CADPS2: variants seen among roughly 807,000 people sequenced by gnomAD.
CADPS2 encodes calcium-dependent secretion activator 2.
CADPS2 carries 93 observed loss-of-function variants against 172.5 expected under a neutral mutation model. The observed-to-expected ratio is 0.54, with a 90% CI of 0.46 to 0.64. The LOEUF is 0.64. Ranked by LOEUF, CADPS2 falls within the 30% of genes least tolerant of loss-of-function variation. The pLI, the probability that CADPS2 is intolerant of heterozygous loss-of-function variation, is 0.00. For synonymous variants in CADPS2, 546 were observed against 555.2 expected (o/e 0.98, Z 0.23); for missense variants, 1,420 against 1,565.9 (o/e 0.91, Z 1.57).
intron 1 of CADPS2, among the ~76,000 whole-genome samples, chr7:122,881,125 A>C (rs1016464739): frequency 3.9e-5 from 6 of 152,210 alleles, no homozygotes; most frequent in African/African-American, 1.4e-4. Context: ...TTTTGTTTTG[A>C]AAGTCTTTAA....
At chr7:122,644,580 T>A (rs2078093436) in intron 3 of CADPS2, among the ~76,000 whole-genome samples, 1 of 152,208 alleles carries the variant, frequency 6.6e-6, no homozygotes, top group Non-Finnish European at 1.5e-5. Flanking sequence ...AACAGAGTAA[T>A]TCCACCTGTA....
intron 1 of CADPS2, among the ~76,000 whole-genome samples, chr7:122,737,981 GAGAAGACAA>G (rs2092270047): frequency 2.0e-5 from 3 of 152,090 alleles, no homozygotes; most frequent in African/African-American, 7.2e-5. Context: ...GAATAATAAG[GAGAAGACAA>G]AGAAGACAAA....
intron 17 of CADPS2, among the ~76,000 whole-genome samples, chr7:122,417,918 T>C (rs1052420173): frequency 5.9e-5 from 9 of 152,120 alleles, no homozygotes; most frequent in Non-Finnish European, 8.8e-5. Context: ...ATAACAACCA[T>C]TAGAAATGGT....
intron 22 of CADPS2, among the ~76,000 whole-genome samples, chr7:122,392,461 A>T (rs1242413758): frequency 6.6e-6 from 1 of 151,960 alleles, no homozygotes. Flanking sequence ...TTGAGGAAAA[A>T]ACTCAGGCTA....
At chr7:122,365,132 G>A (rs1000085956) in intron 25 of CADPS2, among the ~76,000 whole-genome samples, 9 of 152,200 alleles carry the variant, frequency 5.9e-5, no homozygotes, top group African/African-American at 1.7e-4. Flanking sequence ...TTCAGAGCAC[G>A]AAGCAGCATT....
At chr7:122,884,153 A>G (rs1823671496) in intron 1 of CADPS2, among the ~76,000 whole-genome samples, 1 of 152,212 alleles carries the variant, frequency 6.6e-6, no homozygotes, top group Non-Finnish European at 1.5e-5. Flanking sequence ...ATTTTACCAA[A>G]CATTATTTTT....
At chr7:122,651,080 T>A (rs1463184392) in intron 3 of CADPS2, among the ~76,000 whole-genome samples, 1 of 152,042 alleles carries the variant, frequency 6.6e-6, no homozygotes, top group East Asian at 1.9e-4. Context: ...ATGAGAAAAA[T>A]ATACTCCTCC....
In CADPS2 at chr7:122,756,903, G is replaced by GA. The variant is rs373643348; in HGVS notation, c.340-19836dup. On this transcript the variant is annotated intron_variant, in intron 1 of 29. Coordinates refer to ENST00000449022, the MANE Select transcript of CADPS2 (RefSeq NM_017954.11). ...GAACAGAGCAAGACTCCCTCTCAAG[G>GA]AAAAAAAAAAAAAAATTACATCCTC... Among the ~76,000 whole-genome samples, 1,059 of 134,362 alleles carry GA rather than the reference G, an allele frequency of 7.9e-3. 4 individuals carry two copies. The highest frequency in any genetic ancestry group is 0.013 in the African/African-American group (467 of 36,510). The allele number at this position is 134,362 out of a possible 152,430, so 88.1% of individuals were successfully genotyped here. A position where few individuals can be genotyped will look rare whatever the true frequency, so the allele number is the denominator to read the frequency against.
intron 25 of CADPS2, among the ~76,000 whole-genome samples, chr7:122,366,440 T>TAA (rs539508007): frequency 0.047 from 6,358 of 135,820 alleles, 459 homozygotes; most frequent in African/African-American, 0.16. Context: ...CCATCTCTAC[T>TAA]AAAAAAAAAA....
chr7:122,848,406 T>TA (rs1489536259), intron 1 of CADPS2, among the ~76,000 whole-genome samples: 1 of 152,138 alleles, frequency 6.6e-6, no homozygotes, highest in African/African-American at 2.4e-5. Context: ...CACAGCCTCC[T>TA]AGGGAAGAGC....
chr7:122,672,973 C>T (rs937250042), intron 2 of CADPS2, among the ~76,000 whole-genome samples: 5 of 152,158 alleles, frequency 3.3e-5, no homozygotes, highest in African/African-American at 1.2e-4. Context: ...GAGTTTCTTC[C>T]TTCTGGTGGG....
chr7:122,866,277 G>A (rs965558450), intron 1 of CADPS2, among the ~76,000 whole-genome samples: 1 of 151,932 alleles, frequency 6.6e-6, no homozygotes, highest in African/African-American at 2.4e-5. Flanking sequence ...TACCTCTCAG[G>A]CTACCACCTA....
Position 122,615,237 on chromosome 7 carries a change from T to C in CADPS2, c.1167A>G (p.Thr389=), listed in dbSNP as rs1207558106. The C allele has an allele frequency of 6.4e-7, 1 of 1,561,416 alleles. No individual in the cohort carries two copies. The highest frequency in any genetic ancestry group is 1.2e-5 in the South Asian group (1 of 84,750). The change falls in exon 6 of 30, where the codon ACA becomes ACG. Residue 389 remains threonine, a synonymous_variant. Coordinates refer to ENST00000449022, the MANE Select transcript of CADPS2 (RefSeq NM_017954.11). ...SVAPNRIVYC[T]MEVEGEKLQT... ...GAAGTTTTTCTCCTTCCACTTCCATTGTACAGTAAACAATTCGATTGGGAG... is the reference window on the plus strand; with the variant it reads ...GAAGTTTTTCTCCTTCCACTTCCATCGTACAGTAAACAATTCGATTGGGAG...
At chr7:122,553,061 T>C (rs1217953589) in intron 8 of CADPS2, among the ~76,000 whole-genome samples, 8 of 152,236 alleles carry the variant, frequency 5.3e-5, no homozygotes, top group Admixed American at 1.3e-4. Context: ...GTCTACCTGA[T>C]AAATTTATCC....
intron 2 of CADPS2, among the ~76,000 whole-genome samples, chr7:122,673,050 T>C (rs1222520879): frequency 6.6e-6 from 1 of 152,172 alleles, no homozygotes; most frequent in Non-Finnish European, 1.5e-5. Flanking sequence ...CTACAAGGCA[T>C]CGCCTCTGGA....
At chr7:122,737,780 T>A (rs956284077) in intron 1 of CADPS2, among the ~76,000 whole-genome samples, 1 of 152,124 alleles carries the variant, frequency 6.6e-6, no homozygotes, top group African/African-American at 2.4e-5. Context: ...CGCCAGCTGT[T>A]CTAAACAGAG....
In CADPS2 at chr7:122,610,112, C is replaced by T. The variant is rs114376836; in HGVS notation, c.1223+5069G>A. 2.6e-3 allele frequency among the ~76,000 whole-genome samples: 396 copies of T among 151,142 alleles called. 1 individual carries two copies. The highest frequency in any genetic ancestry group is 9.0e-3 in the African/African-American group (370 of 41,170). On this transcript the variant is annotated intron_variant, in intron 6 of 29. Coordinates refer to ENST00000449022, the MANE Select transcript of CADPS2 (RefSeq NM_017954.11). ...CAGAAAGGCTATTTTAAATTAAAGG[C>T]TATTTTAAATCAGACAAATTTCCTT...
intron 7 of CADPS2, among the ~76,000 whole-genome samples, chr7:122,556,919 G>T (rs570738956): frequency 6.6e-6 from 1 of 152,126 alleles, no homozygotes; most frequent in East Asian, 1.9e-4. Flanking sequence ...GTATGCAATG[G>T]TTTCCTGATT....
intron 3 of CADPS2, among the ~76,000 whole-genome samples, chr7:122,631,724 G>A (rs753591110): frequency 3.3e-5 from 5 of 151,932 alleles, no homozygotes; most frequent in Non-Finnish European, 5.9e-5. Flanking sequence ...TTTGGAGGGG[G>A]TACAGTGTAG....
Sources: gnomAD v4.1 joint callset for allele counts (sites outside exome capture counted in the v4.1 genomes callset) on GRCh38, gnomAD v4.1.1 for gene constraint, MANE v1.5 for transcripts, NCBI Gene and HGNC (gene_info 2026-07-23, HGNC 2026-07-21) for gene names.